The following PRKCA variants were observed in gnomAD, a reference collection of about 807,000 sequenced individuals.
PRKCA encodes protein kinase C alpha.
PRKCA carries 27 observed loss-of-function variants against 87.0 expected under a neutral mutation model. That is an observed-to-expected ratio of 0.31 (90% CI 0.23 to 0.43). The LOEUF (loss-of-function observed/expected upper bound fraction) is 0.43. PRKCA is among the 20% of genes least tolerant of loss of function. PRKCA has a pLI of 1.00. For synonymous variants in PRKCA, 329 were observed against 311.1 expected, an observed-to-expected ratio of 1.06 and a Z score of -0.61; for missense variants, 518 against 852.3, an observed-to-expected ratio of 0.61 and a Z score of 4.88.
intron 5 of PRKCA, among the ~76,000 whole-genome samples, chr17:66,661,776 T>C (rs1024163209): frequency 2.0e-5 from 3 of 152,154 alleles, no homozygotes; most frequent in Non-Finnish European, 4.4e-5. Flanking sequence ...AGCAAGTCCT[T>C]TGAATGGGCT....
chr17:66,454,691 T>C (rs1053796958), intron 2 of PRKCA, among the ~76,000 whole-genome samples: 7 of 152,186 alleles, frequency 4.6e-5, no homozygotes, highest in Non-Finnish European at 7.4e-5. Context: ...ATGAGACTTC[T>C]TCACTACTAC....
chr17:66,587,267 T>C (rs1379414575), intron 3 of PRKCA, among the ~76,000 whole-genome samples: 1 of 152,206 alleles, frequency 6.6e-6, no homozygotes, highest in East Asian at 1.9e-4. Context: ...TCCTTCTCCT[T>C]CCAAGGTATC....
intron 3 of PRKCA, among the ~76,000 whole-genome samples, chr17:66,573,994 C>T (rs1969154486): frequency 1.3e-5 from 2 of 152,060 alleles, no homozygotes; most frequent in Non-Finnish European, 2.9e-5. Flanking sequence ...TTTTATATGG[C>T]CCGAAGGGTA....
intron 2 of PRKCA, chr17:66,415,488 T>G (rs1295983297): frequency 6.6e-6 from 1 of 152,304 alleles, no homozygotes; most frequent in East Asian, 1.9e-4. Context: ...AAGGTAGCCC[T>G]GGAAGTCCTG....
chr17:66,528,945 C>A (rs909045703), intron 3 of PRKCA, among the ~76,000 whole-genome samples: 2 of 152,186 alleles, frequency 1.3e-5, no homozygotes, highest in East Asian at 1.9e-4. Context: ...CATTCAAGTA[C>A]AAATGATGAA....
chr17:66,338,599 TG>T (rs1219583130), intron 2 of PRKCA, among the ~76,000 whole-genome samples: 2 of 152,122 alleles, frequency 1.3e-5, no homozygotes, highest in African/African-American at 2.4e-5. Context: ...TTTAAACATA[TG>T]GGGTTTCCAG....
intron 2 of PRKCA, among the ~76,000 whole-genome samples, chr17:66,370,157 A>G (rs146371369): frequency 2.0e-4 from 30 of 151,416 alleles, no homozygotes; most frequent in African/African-American, 6.8e-4. Flanking sequence ...GTCCTTCCAC[A>G]TCCCCTCAAC....
intron 2 of PRKCA, among the ~76,000 whole-genome samples, chr17:66,414,479 T>C (rs1912016601): frequency 6.6e-6 from 1 of 152,204 alleles, no homozygotes; most frequent in South Asian, 2.1e-4. Flanking sequence ...TTAAACCTCT[T>C]TTCTGTATAA....
intron 3 of PRKCA, among the ~76,000 whole-genome samples, chr17:66,535,705 C>T (rs1477091044): frequency 4.6e-5 from 7 of 152,210 alleles, no homozygotes. Context: ...GTGGGATCTC[C>T]TCACTACCTG....
In PRKCA at chr17:66,732,748, C is replaced by G. The variant is rs1418829771; in HGVS notation, c.979C>G (p.Pro327Ala). Reference protein sequence around the residue: ...VISPSEDRKQPSNNLDRVKLT... With the variant: ...VISPSEDRKQASNNLDRVKLT... ...CAGTCCCTCTGAAGACAGGAAACAA[C>G]CTTCCAACAACCTTGACCGAGTGAA... Residue 327 changes from proline to alanine, a missense_variant, in exon 9 of 17, where the codon CCT becomes GCT. Coordinates refer to ENST00000413366, the MANE Select transcript of PRKCA (RefSeq NM_002737.3). 5.1e-5 allele frequency: 82 copies of G among 1,614,092 alleles called. No individual in the cohort carries two copies. The highest frequency in any genetic ancestry group is 6.9e-5 in the Non-Finnish European group (82 of 1,180,048).
intron 3 of PRKCA, among the ~76,000 whole-genome samples, chr17:66,524,799 C>G (rs1331580665): frequency 6.6e-6 from 1 of 152,152 alleles, no homozygotes; most frequent in African/African-American, 2.4e-5. Context: ...GTATCTGGGT[C>G]TGTCTTCCTC....
chr17:66,474,451 TG>T (rs1301358365), intron 2 of PRKCA, among the ~76,000 whole-genome samples: 1 of 152,174 alleles, frequency 6.6e-6, no homozygotes, highest in East Asian at 1.9e-4. Flanking sequence ...TTATGCAAAT[TG>T]GAAAAGCACA....
chr17:66,491,390 G>A (rs1388123752), intron 2 of PRKCA, among the ~76,000 whole-genome samples: 2 of 152,182 alleles, frequency 1.3e-5, no homozygotes, highest in Admixed American at 1.3e-4. Flanking sequence ...ACTTGTTTAA[G>A]GGCCAAGGGG....
chr17:66,590,130 G>A (rs1203199344), intron 3 of PRKCA, among the ~76,000 whole-genome samples: 1 of 152,152 alleles, frequency 6.6e-6, no homozygotes, highest in Non-Finnish European at 1.5e-5. Flanking sequence ...AGCTGGGCAG[G>A]AGGCAGCAGG....
chr17:66,756,309 G>A (rs548276413), intron 13 of PRKCA, among the ~76,000 whole-genome samples: 5 of 152,044 alleles, frequency 3.3e-5, no homozygotes, highest in East Asian at 1.9e-4. Context: ...GGACATCCCC[G>A]ATTCCAATCC....
chr17:66,604,428 A>G (rs1970151442), intron 3 of PRKCA, among the ~76,000 whole-genome samples: 1 of 152,234 alleles, frequency 6.6e-6, no homozygotes, highest in South Asian at 2.1e-4. Context: ...TAAGAGGAAA[A>G]CAGTGGAATA....
At chr17:66,564,894 C>T (rs1481385060) in intron 3 of PRKCA, among the ~76,000 whole-genome samples, 9 of 152,126 alleles carry the variant, frequency 5.9e-5, no homozygotes, top group African/African-American at 1.4e-4. Context: ...GCAGGAGAAT[C>T]GCTTGAACCC....
At chr17:66,542,069 C>T (rs968584507) in intron 3 of PRKCA, among the ~76,000 whole-genome samples, 2 of 152,154 alleles carry the variant, frequency 1.3e-5, no homozygotes, top group Non-Finnish European at 2.9e-5. Context: ...TATAAAGCCC[C>T]AGGGGAGAAA....
At chr17:66,561,918 T>C (rs1482454574) in intron 3 of PRKCA, among the ~76,000 whole-genome samples, 1 of 151,722 alleles carries the variant, frequency 6.6e-6, no homozygotes, top group Non-Finnish European at 1.5e-5. Context: ...TTAATGGGTA[T>C]AGAGTTTCAG....
Sources: gnomAD v4.1 joint callset for allele counts (sites outside exome capture counted in the v4.1 genomes callset) on GRCh38, gnomAD v4.1.1 for gene constraint, MANE v1.5 for transcripts, NCBI Gene and HGNC (gene_info 2026-07-23, HGNC 2026-07-21) for gene names.